MSRA: variants seen among roughly 807,000 people sequenced by gnomAD.
MSRA encodes the protein methionine sulfoxide reductase A, also known as mitochondrial peptide methionine sulfoxide reductase.
A neutral mutation model predicts 31.3 loss-of-function variants in MSRA; 54 were observed. The observed-to-expected ratio is 1.73, with a 90% CI of 1.39 to 2.17. The LOEUF is 2.17. Among genes scored for constraint, MSRA ranks in the 30% most tolerant of loss-of-function variants. MSRA has a pLI of 0.00. For synonymous variants in MSRA, 169 were observed against 116.5 expected (o/e 1.45, Z -2.90); for missense variants, 507 against 300.9 (o/e 1.69, Z -5.07).
At chr8:10,340,742 A>G (rs957575830) in intron 5 of MSRA, among the ~76,000 whole-genome samples, 2 of 152,226 alleles carry the variant, frequency 1.3e-5, no homozygotes, top group African/African-American at 4.8e-5. Context: ...TTCAAAAGGT[A>G]TTTACCAAGT....
rs371715668 is a variant in MSRA, at chr8:10,377,497, G to A, written c.544-50651G>A. Among the ~76,000 whole-genome samples, 36 of 152,340 alleles carry A rather than the reference G, an allele frequency of 2.4e-4. 1 individual carries two copies. In the East Asian group the frequency reaches 6.0e-3, roughly 25 times the overall value. ...TGTAGCCATATCCTTTGGGTGGATG[G>A]GTGGATGGGAGAGCCGGGGGCATCT... On this transcript the variant is annotated intron_variant, in intron 5 of 5. Coordinates refer to ENST00000317173, the MANE Select transcript of MSRA (RefSeq NM_012331.5).
chr8:10,081,669 T>A (rs1299441583), intron 1 of MSRA, among the ~76,000 whole-genome samples: 1 of 152,126 alleles, frequency 6.6e-6, no homozygotes, highest in East Asian at 1.9e-4. Flanking sequence ...TTTGTATTTT[T>A]AGTAGAGACG....
chr8:10,149,737 A>G (rs964496502), intron 1 of MSRA, among the ~76,000 whole-genome samples: 2 of 151,126 alleles, frequency 1.3e-5, no homozygotes, highest in Non-Finnish European at 1.5e-5. Context: ...AGTGGTTTCC[A>G]TGAAATACGT....
At chr8:10,092,128 C>T (rs1014574896) in intron 1 of MSRA, among the ~76,000 whole-genome samples, 1 of 151,876 alleles carries the variant, frequency 6.6e-6, no homozygotes, top group African/African-American at 2.4e-5. Flanking sequence ...GTTTGTTTTC[C>T]TGTTCTTTAT....
chr8:10,428,513 G>A lies in MSRA; in HGVS notation c.*201G>A. 1.7e-6 allele frequency: 1 copy of A among 572,296 alleles called. No individual in the cohort carries two copies. The highest frequency in any genetic ancestry group is 3.0e-6 in the Non-Finnish European group (1 of 329,644). The allele number at this position is 572,296 out of a possible 1,614,324, so 35.5% of individuals were successfully genotyped here. On this transcript the variant is annotated 3_prime_UTR_variant, in exon 6 of 6. Transcript: ENST00000317173. ...TGTGACTTATCTCCTAATAAGTTATGGTGGGAGTGGAGCTGTGCAGTTTCC... is the reference window on the plus strand; with the variant it reads ...TGTGACTTATCTCCTAATAAGTTATAGTGGGAGTGGAGCTGTGCAGTTTCC...
intron 2 of MSRA, 137 bp downstream of exon 2, chr8:10,208,038 C>A (rs1809154603): frequency 8.2e-6 from 5 of 609,134 alleles, no homozygotes; most frequent in Non-Finnish European, 1.4e-5. Context: ...GCCAAGAAAA[C>A]TATTGAGTTC....
chr8:10,102,875 G>A (rs774327291), intron 1 of MSRA, among the ~76,000 whole-genome samples: 6 of 152,110 alleles, frequency 3.9e-5, no homozygotes, highest in African/African-American at 9.7e-5. Flanking sequence ...TTTATTGTTA[G>A]TTTTGTACTG....
At chr8:10,130,056 G>C (rs1416151126) in intron 1 of MSRA, among the ~76,000 whole-genome samples, 1 of 152,192 alleles carries the variant, frequency 6.6e-6, no homozygotes, top group Non-Finnish European at 1.5e-5. Flanking sequence ...TTGGAGACAT[G>C]GGTGGGATGT....
chr8:10,095,252 A>G (rs1364669096), intron 1 of MSRA, among the ~76,000 whole-genome samples: 4 of 152,210 alleles, frequency 2.6e-5, no homozygotes, highest in Non-Finnish European at 5.9e-5. Context: ...TCGCATATGG[A>G]CATTTCTAGG....
intron 1 of MSRA, among the ~76,000 whole-genome samples, chr8:10,169,592 G>A (rs1350193528): frequency 6.6e-6 from 1 of 152,120 alleles, no homozygotes; most frequent in Admixed American, 6.5e-5. Context: ...ACAAAAACCA[G>A]AAGCCATAAA....
chr8:10,325,529 A>G (rs138345314), intron 5 of MSRA, among the ~76,000 whole-genome samples: 1 of 152,172 alleles, frequency 6.6e-6, no homozygotes, highest in African/African-American at 2.4e-5. Flanking sequence ...ATATAAAGTT[A>G]AATGCATTCA....
intron 5 of MSRA, among the ~76,000 whole-genome samples, chr8:10,361,990 CTT>C (rs1804876184): frequency 6.6e-6 from 1 of 152,106 alleles, no homozygotes; most frequent in African/African-American, 2.4e-5. Context: ...CCTCCTCTCT[CTT>C]GTCGTTGTTT....
At chr8:10,294,734 C>T (rs187507252) in intron 3 of MSRA, among the ~76,000 whole-genome samples, 1 of 152,256 alleles carries the variant, frequency 6.6e-6, no homozygotes, top group East Asian at 1.9e-4. Flanking sequence ...TACAGCAGAG[C>T]CCAGTTCACA....
intron 5 of MSRA, among the ~76,000 whole-genome samples, chr8:10,411,866 C>G (rs977468221): frequency 2.0e-5 from 3 of 150,264 alleles, no homozygotes; most frequent in Non-Finnish European, 4.5e-5. Flanking sequence ...TAGTCATATT[C>G]CAGTTAAGCA....
chr8:10,093,912 A>G (rs922719555), intron 1 of MSRA, among the ~76,000 whole-genome samples: 9 of 152,268 alleles, frequency 5.9e-5, no homozygotes, highest in African/African-American at 2.2e-4. Flanking sequence ...TTTTCCTTTC[A>G]GCTCTTTGAC....
chr8:10,104,130 G>C (rs1416998473), intron 1 of MSRA, among the ~76,000 whole-genome samples: 1 of 152,100 alleles, frequency 6.6e-6, no homozygotes. Context: ...TGGGCGTTTA[G>C]GGATCTGCTT....
intron 3 of MSRA, among the ~76,000 whole-genome samples, chr8:10,273,775 C>A (rs1027594151): frequency 1.3e-5 from 2 of 152,032 alleles, no homozygotes; most frequent in Non-Finnish European, 2.9e-5. Flanking sequence ...ACTGTTAGGG[C>A]TACTTTTCAG....
intron 5 of MSRA, chr8:10,337,729 C>T: frequency 1.4e-6 from 1 of 702,596 alleles, no homozygotes; most frequent in Non-Finnish European, 2.6e-6. Context: ...CCTGTTCTTC[C>T]TCAGCCATGC....
chr8:10,155,612 T>C (rs1804093169), intron 1 of MSRA, among the ~76,000 whole-genome samples: 2 of 152,198 alleles, frequency 1.3e-5, no homozygotes. Context: ...CCTGAGATCC[T>C]TTATTGCACC....
Sources: gnomAD v4.1 joint callset for allele counts (sites outside exome capture counted in the v4.1 genomes callset) on GRCh38, gnomAD v4.1.1 for gene constraint, MANE v1.5 for transcripts, NCBI Gene and HGNC (gene_info 2026-07-23, HGNC 2026-07-21) for gene names.